PRKAR1A: variants seen among roughly 807,000 people sequenced by gnomAD.
PRKAR1A encodes the protein cAMP-dependent protein kinase type I-alpha regulatory subunit.
In PRKAR1A, 3 loss-of-function variants were observed where a neutral mutation model predicts 52.0. The observed-to-expected ratio is 0.06, with a 90% CI of 0.03 to 0.15. PRKAR1A has a LOEUF of 0.15. PRKAR1A is among the 10% of genes least tolerant of loss of function. PRKAR1A has a pLI of 1.00. For missense variants in PRKAR1A, 240 were observed against 477.4 expected, an observed-to-expected ratio of 0.50 and a Z score of 4.63; for synonymous variants, 188 against 168.4, an observed-to-expected ratio of 1.12 and a Z score of -0.90.
rs587776912 is a variant in PRKAR1A, at chr17:68,542,811, T to C, written c.974-8273T>C. On this transcript the variant is annotated intron_variant, in intron 11 of 11. Coordinates refer to the PRKAR1A transcript ENST00000585981. ...GGCACCCGTCGGAAGTCCAGAATCC[T>C]GCAAGAGAGGAAGCTCTGTTCCATC... 2.5e-6 allele frequency: 4 copies of C among 1,608,550 alleles called. No homozygotes were observed. The Admixed American group carries it at 5.0e-5, about 20-fold the overall frequency.
chr17:68,538,886 A>G (rs2143451638), intron 11 of PRKAR1A, among the ~76,000 whole-genome samples: 1 of 152,342 alleles, frequency 6.6e-6, no homozygotes, highest in South Asian at 2.1e-4. Context: ...TACAGTCATG[A>G]ATCGCTTAGT....
chr17:68,532,244 G>A lies in PRKAR1A; in HGVS notation c.*1795G>A, dbSNP rs1351916541. On this transcript the variant is annotated 3_prime_UTR_variant, in exon 11 of 11. Coordinates refer to ENST00000589228, the MANE Select transcript of PRKAR1A (RefSeq NM_002734.5). ...AAAATTACGTTCTTACAAGCTTAAA[G>A]CTTGATTTGATCTTTGTTTAAATGC... is the stretch of plus-strand genomic sequence containing the variant. The A allele has an allele frequency of 1.9e-6, 2 of 1,040,078 alleles. No individual in the cohort carries two copies. Among genetic ancestry groups the A allele is most frequent in the Non-Finnish European group, 2.3e-6 (2 of 856,462 alleles). 64.4% of individuals were successfully genotyped at this position (1,040,078 alleles called of 1,614,324 possible).
intron 8 of PRKAR1A, 66 bp from the exon 9 acceptor site, chr17:68,528,804 C>T (rs2085872901): frequency 1.3e-6 from 2 of 1,592,158 alleles, no homozygotes; most frequent in Non-Finnish European, 1.7e-6. Flanking sequence ...TCTCTTTATA[C>T]TTTCTTTTTA....
chr17:68,430,143 G>C, the PRKAR1A span: 2 of 1,613,420 alleles, frequency 1.2e-6, no homozygotes, highest in South Asian at 1.1e-5. Flanking sequence ...ACTCCAGGTC[G>C]AAGGCTCTTC....
At chr17:68,470,035 CTG>C in the PRKAR1A span, among the ~76,000 whole-genome samples, 1 of 151,842 alleles carries the variant, frequency 6.6e-6, no homozygotes, top group African/African-American at 2.4e-5. Flanking sequence ...AAAAACCCCT[CTG>C]TGCACTTGTG....
the PRKAR1A span, among the ~76,000 whole-genome samples, chr17:68,437,010 A>ATGTGTGTGTGTGTGTG: frequency 0.011 from 890 of 77,854 alleles, 17 homozygotes; most frequent in African/African-American, 0.05. Flanking sequence ...AAAAAAATAT[A>ATGTGTGTGTGTGTGTG]TATATATGTG....
At chr17:68,515,370 CAT>C (rs1445450828) in intron 1 of PRKAR1A, 22 bp from the exon 2 acceptor site, 1 of 1,611,854 alleles carries the variant, frequency 6.2e-7, no homozygotes, top group Non-Finnish European at 8.5e-7. Context: ...TTTATACAAG[CAT>C]GTGTGTGTTT....
chr17:68,523,186 G>C (rs765047397), intron 3 of PRKAR1A, among the ~76,000 whole-genome samples: 2 of 152,148 alleles, frequency 1.3e-5, no homozygotes, highest in Non-Finnish European at 2.9e-5. Context: ...AAGGAGGTGG[G>C]CGGTATTGCT....
At chr17:68,478,094 A>G in the PRKAR1A span, among the ~76,000 whole-genome samples, 1 of 152,220 alleles carries the variant, frequency 6.6e-6, no homozygotes. Flanking sequence ...TTAATGCCCC[A>G]AAATATCTAT....
At chr17:68,519,823 G>A (rs543824096) in intron 2 of PRKAR1A, among the ~76,000 whole-genome samples, 30 of 152,300 alleles carry the variant, frequency 2.0e-4, no homozygotes, top group African/African-American at 7.0e-4. Flanking sequence ...TGCTGTGTCA[G>A]GTACTGTGTG....
At position 68,532,274 on chromosome 17, in the gene PRKAR1A, A is replaced by G; in HGVS notation, c.*1825A>G. On this transcript the variant is annotated 3_prime_UTR_variant, in exon 11 of 11. Coordinates refer to ENST00000589228, the MANE Select transcript of PRKAR1A (RefSeq NM_002734.5). ...ATTTGATCTTTGTTTAAATGCCAAA[A>G]TGTACTTAAATGAGTTACTTAGAAT... The G allele has an allele frequency of 9.6e-7, 1 of 1,043,980 alleles. No homozygotes were observed. Among genetic ancestry groups the G allele is most frequent in the Non-Finnish European group, 1.2e-6 (1 of 859,906 alleles). The allele number at this position is 1,043,980 out of a possible 1,614,324, so 64.7% of individuals were successfully genotyped here.
the PRKAR1A span, chr17:68,426,253 G>GGGGGGGGGGGGGGGGGGA: frequency 2.4e-6 from 2 of 841,018 alleles, no homozygotes; most frequent in African/African-American, 1.7e-5. Context: ...GGGGAGCGGG[G>GGGGGGGGGGGGGGGGGGA]GCTCAAATAA....
At chr17:68,470,084 ATTT>A in the PRKAR1A span, among the ~76,000 whole-genome samples, 1 of 141,118 alleles carries the variant, frequency 7.1e-6, no homozygotes, top group Admixed American at 7.1e-5. Context: ...AACATCTTAG[ATTT>A]TTTTTTTTTT....
chr17:68,474,755 C>T, the PRKAR1A span, among the ~76,000 whole-genome samples: 2 of 152,022 alleles, frequency 1.3e-5, no homozygotes, highest in South Asian at 4.1e-4. Flanking sequence ...ATTAGCTGGG[C>T]GTGGTGGCGG....
the PRKAR1A span, among the ~76,000 whole-genome samples, chr17:68,479,066 T>G: frequency 1.3e-5 from 2 of 152,202 alleles, no homozygotes; most frequent in African/African-American, 4.8e-5. Flanking sequence ...AGATTTACTG[T>G]AGGGAAAAAA....
chr17:68,481,886 G>A, the PRKAR1A span, among the ~76,000 whole-genome samples: 7 of 152,312 alleles, frequency 4.6e-5, no homozygotes, highest in South Asian at 6.2e-4. Flanking sequence ...TGTTGATTAC[G>A]GAAAAGGAGA....
At chr17:68,443,922 T>C in the PRKAR1A span, among the ~76,000 whole-genome samples, 1 of 152,242 alleles carries the variant, frequency 6.6e-6, no homozygotes, top group Non-Finnish European at 1.5e-5. Context: ...GCTATTTCAA[T>C]ATAACAAATC....
the PRKAR1A span, among the ~76,000 whole-genome samples, chr17:68,478,214 G>A: frequency 6.6e-6 from 1 of 152,190 alleles, no homozygotes; most frequent in African/African-American, 2.4e-5. Flanking sequence ...AGCACTTTGG[G>A]GGGCCGAGGG....
chr17:68,435,484 C>G, the PRKAR1A span: 1 of 835,884 alleles, frequency 1.2e-6, no homozygotes, highest in South Asian at 1.5e-5. Flanking sequence ...CAGAAATTCT[C>G]CCTCTGAAAC....
Sources: allele counts gnomAD v4.1 joint callset (sites outside exome capture counted in the v4.1 genomes callset), GRCh38; gene constraint gnomAD v4.1.1; transcripts MANE v1.5; gene names NCBI Gene and HGNC (gene_info 2026-07-23, HGNC 2026-07-21).